SIRT3: variants seen among roughly 807,000 people sequenced by gnomAD.
The protein encoded by SIRT3 is NAD-dependent protein deacetylase sirtuin-3, mitochondrial.
In SIRT3, 26 loss-of-function variants were observed where a neutral mutation model predicts 33.5. That is an observed-to-expected ratio of 0.78 (90% CI 0.57 to 1.08). The LOEUF (loss-of-function observed/expected upper bound fraction) is 1.08. Among genes scored for constraint, SIRT3 ranks in the 50% least tolerant of loss-of-function variants. SIRT3 has a pLI of 0.00. For missense variants in SIRT3, 585 were observed against 530.1 expected (o/e 1.10, Z -1.02); for synonymous variants, 237 against 222.1 (o/e 1.07, Z -0.60).
At chr11:229,276 TA>T (rs578022984) in intron 4 of SIRT3, among the ~76,000 whole-genome samples, 119,756 of 151,578 alleles carry the variant, frequency 0.79, 47,615 homozygotes, top group African/African-American at 0.88. Flanking sequence ...ATGGTGAAAC[TA>T]CTCTACTAAA....
Position 233,649 on chromosome 11 carries a change from T to C in SIRT3, c.282-115A>G, listed in dbSNP as rs1262746995. On this transcript the variant is annotated intron_variant, in intron 1 of 6. Coordinates refer to ENST00000382743, the MANE Select transcript of SIRT3 (RefSeq NM_012239.6). ...CGCCACCCTCGAGAATGAGCATGTG[T>C]GTCTCCCCAGGCCTCTCAAAATAAT... 1.1e-5 allele frequency: 10 copies of C among 936,942 alleles called. No individual in the cohort carries two copies. In the East Asian group the frequency reaches 1.2e-4, roughly 12 times the overall value. The allele number at this position is 936,942 out of a possible 1,614,324, so 58.0% of individuals were successfully genotyped here.
At chr11:228,441 A>G (rs1304526310) in intron 4 of SIRT3, among the ~76,000 whole-genome samples, 1 of 152,240 alleles carries the variant, frequency 6.6e-6, no homozygotes. Flanking sequence ...ACAGATAACA[A>G]TGGAATAGAA....
upstream of SIRT3, chr11:236,502 CG>C: frequency 4.2e-6 from 1 of 235,620 alleles, no homozygotes; most frequent in Admixed American, 6.6e-5. Context: ...CCGACGCCTC[CG>C]GCGCGCCCAG....
chr11:216,553 C>T lies in SIRT3; in HGVS notation c.*145G>A. ...CACTGCAGCTCATGGCCTGAGAAGA[C>T]ATTCCAGTGGCAGCCTCGGGTGTCC... On this transcript the variant is annotated 3_prime_UTR_variant, in exon 7 of 7. Transcript: ENST00000382743. 1.2e-6 allele frequency: 1 copy of T among 860,212 alleles called. No homozygotes were observed. The highest frequency in any genetic ancestry group is 1.9e-6 in the Non-Finnish European group (1 of 518,998). The allele number at this position is 860,212 out of a possible 1,614,324, so 53.3% of individuals were successfully genotyped here. A position where few individuals can be genotyped will look rare whatever the true frequency, so the allele number is the denominator to read the frequency against.
At chr11:234,486 C>A (rs1057031796) in intron 1 of SIRT3, among the ~76,000 whole-genome samples, 1 of 152,168 alleles carries the variant, frequency 6.6e-6, no homozygotes, top group African/African-American at 2.4e-5. Flanking sequence ...GCGATCTCGG[C>A]TCACTGCAAG....
At chr11:230,211 C>CA (rs752924694) in intron 4 of SIRT3, among the ~76,000 whole-genome samples, 22,431 of 113,522 alleles carry the variant, frequency 0.2, 2,223 homozygotes, top group South Asian at 0.36. Flanking sequence ...GACTCAATCT[C>CA]AAAAAAAAAA....
At position 236,332 on chromosome 11, in the gene SIRT3, C is replaced by G. The variant is rs1564817315; in HGVS notation, c.-4G>C. 8 of 1,461,076 alleles carry G rather than the reference C, an allele frequency of 5.5e-6. No individual in the cohort carries two copies. Among genetic ancestry groups the G allele is most frequent in the Non-Finnish European group, 5.4e-6 (6 of 1,112,404 alleles). The allele number at this position is 1,461,076 out of a possible 1,614,324, so 90.5% of individuals were successfully genotyped here. On this transcript the variant is annotated 5_prime_UTR_variant, in exon 1 of 7. Transcript: ENST00000382743. Reference sequence around the variant, plus strand: ...CGCGCCAACCCCAGAACGCCATGTTCCGCGCAGTCCAAGGAGTCCTCCGGA... The same window carrying G: ...CGCGCCAACCCCAGAACGCCATGTTGCGCGCAGTCCAAGGAGTCCTCCGGA...
intron 3 of SIRT3, among the ~76,000 whole-genome samples, chr11:232,194 T>C (rs1858137516): frequency 6.6e-6 from 1 of 152,074 alleles, no homozygotes; most frequent in African/African-American, 2.4e-5. Context: ...CTCGGCTCAC[T>C]GCAACCTCCG....
chr11:219,663 T>C (rs936907803), intron 5 of SIRT3, among the ~76,000 whole-genome samples: 2 of 151,186 alleles, frequency 1.3e-5, no homozygotes, highest in African/African-American at 4.9e-5. Flanking sequence ...ACTGGCTCAT[T>C]ATCTGGGAGG....
At position 223,629 on chromosome 11, in the gene SIRT3, T is replaced by G; in HGVS notation, c.969+449A>C. 2.4e-6 allele frequency: 1 copy of G among 424,494 alleles called. No individual in the cohort carries two copies. The highest frequency in any genetic ancestry group is 2.0e-5 in the South Asian group (1 of 49,482). The allele number at this position is 424,494 out of a possible 1,614,324, so 26.3% of individuals were successfully genotyped here. A position where few individuals can be genotyped will look rare whatever the true frequency, so the allele number is the denominator to read the frequency against. ...CCTCGCCCCCACACCCCCATCCTTC[T>G]CCCTTCTCCTCACACGTGGTGCCCC... On this transcript the variant is annotated intron_variant, in intron 5 of 6. Transcript: ENST00000382743. This position sits in a 1 kb window ranked among gnomAD's most constrained non-coding sequence, Gnocchi z 4.8.
At position 223,471 on chromosome 11, in the gene SIRT3, A is replaced by T. The variant is rs1590136454; in HGVS notation, c.969+607T>A. 1 of 288,350 alleles carries T rather than the reference A, an allele frequency of 3.5e-6. No homozygotes were observed. The highest frequency in any genetic ancestry group is 3.2e-5 in the South Asian group (1 of 30,772). 17.9% of individuals were successfully genotyped at this position (288,350 alleles called of 1,614,324 possible). A position where few individuals can be genotyped will look rare whatever the true frequency, so the allele number is the denominator to read the frequency against. On this transcript the variant is annotated intron_variant, in intron 5 of 6. Coordinates refer to ENST00000382743, the MANE Select transcript of SIRT3 (RefSeq NM_012239.6). This position sits in a 1 kb window ranked among gnomAD's most constrained non-coding sequence, Gnocchi z 4.8. ...CCAGCCTCCTGGCACTGCTTGCTCC[A>T]CTCTCCACTCCCCAAAGGCCTCCCT...
intron 4 of SIRT3, 50 bp downstream of exon 4, chr11:230,401 AT>A (rs755337884): frequency 1.2e-5 from 13 of 1,113,336 alleles, no homozygotes; most frequent in African/African-American, 1.6e-5. Context: ...ACTTTTCCAG[AT>A]CACCCCAACA....
chr11:234,885 G>GT (rs542994507), intron 1 of SIRT3, among the ~76,000 whole-genome samples: 175 of 150,174 alleles, frequency 1.2e-3, no homozygotes, highest in East Asian at 9.5e-3. Flanking sequence ...CGGGATCTTT[G>GT]TTTTTTTTTG....
Position 216,641 on chromosome 11 carries a change from A to G in SIRT3, c.*57T>C. ...GTCTTCAGGCATGAGGTCTTGTCAGAATTGGGATGTGGATGTCTCCTATGT... is the reference window on the plus strand; with the variant it reads ...GTCTTCAGGCATGAGGTCTTGTCAGGATTGGGATGTGGATGTCTCCTATGT... On this transcript the variant is annotated 3_prime_UTR_variant, in exon 7 of 7. Transcript: ENST00000382743. 6.2e-7 allele frequency: 1 copy of G among 1,601,686 alleles called. No homozygotes were observed. Among genetic ancestry groups the G allele is most frequent in the Non-Finnish European group, 8.6e-7 (1 of 1,169,192 alleles).
intron 6 of SIRT3, among the ~76,000 whole-genome samples, chr11:218,237 C>T (rs511020): frequency 3.1e-4 from 47 of 152,336 alleles, no homozygotes; most frequent in African/African-American, 1.1e-3. Context: ...ATGCTACCAC[C>T]TCCCATTGAA....
At position 218,831 on chromosome 11, in the gene SIRT3, C is replaced by T. The variant is rs113722904; in HGVS notation, c.1179+1G>A. The T allele has an allele frequency of 5.8e-5, 94 of 1,614,080 alleles. No homozygotes were observed. The highest frequency in any genetic ancestry group is 7.5e-5 in the Non-Finnish European group (89 of 1,180,050). Reference sequence around the variant, plus strand: ...GGATGGTCCTCCTCAGCAGTCTGTACCTTCCCAGTTTCCCGCTGCACAAGG... The same window carrying T: ...GGATGGTCCTCCTCAGCAGTCTGTATCTTCCCAGTTTCCCGCTGCACAAGG... On this transcript the variant is annotated splice_donor_variant, in intron 6 of 6. Coordinates refer to ENST00000382743, the MANE Select transcript of SIRT3 (RefSeq NM_012239.6). LOFTEE classifies it high-confidence loss of function.
In SIRT3 at chr11:218,852, C is replaced by G. The variant is rs1031154844; in HGVS notation, c.1159G>C (p.Val387Leu). 8.1e-6 allele frequency: 13 copies of G among 1,614,194 alleles called. No homozygotes were observed. Among genetic ancestry groups the G allele is most frequent in the Non-Finnish European group, 1.1e-5 (13 of 1,180,026 alleles). The change falls in exon 6 of 7, where the codon GTG (valine) becomes CTG (leucine). Residue 387 changes from valine to leucine, a missense_variant. Coordinates refer to ENST00000382743, the MANE Select transcript of SIRT3 (RefSeq NM_012239.6). Reference sequence around the variant, plus strand: ...TGTACCTTCCCAGTTTCCCGCTGCACAAGGTCCCGCATCTCTTCTGTCCAG... The same window carrying G: ...TGTACCTTCCCAGTTTCCCGCTGCAGAAGGTCCCGCATCTCTTCTGTCCAG... The part of the protein sequence containing the change: ...LGWTEEMRDL[V>L]QRETGKLDGP...
In SIRT3 at chr11:216,645, G is replaced by A; in HGVS notation, c.*53C>T. 6.2e-7 allele frequency: 1 copy of A among 1,603,608 alleles called. No homozygotes were observed. Among genetic ancestry groups the A allele is most frequent in the Non-Finnish European group, 8.5e-7 (1 of 1,170,876 alleles). On this transcript the variant is annotated 3_prime_UTR_variant, in exon 7 of 7. Transcript: ENST00000382743. The stretch of plus-strand genomic sequence containing the variant: ...TCAGGCATGAGGTCTTGTCAGAATT[G>A]GGATGTGGATGTCTCCTATGTTACC...
chr11:228,718 A>C (rs1332035586), intron 4 of SIRT3, among the ~76,000 whole-genome samples: 2 of 152,260 alleles, frequency 1.3e-5, no homozygotes, highest in Non-Finnish European at 2.9e-5. Flanking sequence ...CAAAAGAGTG[A>C]GAAAATAAAT....
Sources: allele counts gnomAD v4.1 joint callset (sites outside exome capture counted in the v4.1 genomes callset), GRCh38; gene constraint gnomAD v4.1.1; non-coding constraint Gnocchi (gnomAD v3.1); transcripts MANE v1.5; gene names NCBI Gene and HGNC (gene_info 2026-07-23, HGNC 2026-07-21).